Variants in ZP2 observed in about 807,000 individuals in gnomAD.
ZP2 encodes the protein zona pellucida sperm-binding protein 2.
In ZP2, 51 loss-of-function variants were observed where a neutral mutation model predicts 84.0. The observed-to-expected ratio is 0.61, with a 90% CI of 0.49 to 0.77. ZP2 has a LOEUF of 0.77. Among genes scored for constraint, ZP2 ranks in the 30% least tolerant of loss-of-function variants. ZP2 has a pLI of 0.00. For synonymous variants in ZP2, 375 were observed against 330.9 expected (o/e 1.13, Z -1.45); for missense variants, 909 against 911.9 (o/e 1.00, Z 0.04).
intron 13 of ZP2, 66 bp from the exon 14 acceptor site, chr16:21,201,624 A>G: frequency 6.2e-7 from 1 of 1,608,908 alleles, no homozygotes; most frequent in Non-Finnish European, 8.5e-7. Flanking sequence ...TCACTGCTCC[A>G]TTAGTCTGGC....
At chr16:21,206,113 C>A (rs1018318936) in intron 5 of ZP2, 1 of 325,686 alleles carries the variant, frequency 3.1e-6, no homozygotes, top group Admixed American at 4.4e-5. Flanking sequence ...TTCTCCTGCC[C>A]CAGCCTCCCA....
At chr16:21,205,239 C>T (rs185075390) in intron 7 of ZP2, among the ~76,000 whole-genome samples, 181 bp downstream of exon 7, 11 of 152,238 alleles carry the variant, frequency 7.2e-5, no homozygotes, top group Admixed American at 2.6e-4. Flanking sequence ...GCGATCTGCC[C>T]GCTTCAGCCT....
At chr16:21,203,975 G>A in intron 9 of ZP2, 55 bp downstream of exon 9, 2 of 1,592,532 alleles carry the variant, frequency 1.3e-6, no homozygotes, top group Non-Finnish European at 1.7e-6. Flanking sequence ...CTACCCACAA[G>A]AGTATACTTC....
At chr16:21,206,699 G>A in intron 5 of ZP2, 139 bp downstream of exon 5, 2 of 1,157,354 alleles carry the variant, frequency 1.7e-6, no homozygotes, top group South Asian at 1.4e-5. Flanking sequence ...TCAGGGTAAA[G>A]TTAAACCTCA....
chr16:21,211,413 G>A lies in ZP2; in HGVS notation c.63-18C>T, dbSNP rs2093274639. The A allele has an allele frequency of 5.0e-6, 8 of 1,613,994 alleles. No individual in the cohort carries two copies. The East Asian group carries it at 6.7e-5, about 13-fold the overall frequency. ...TGTAGGTGCTGGAAAGAGACAGGGA[G>A]ATAGTCAAGGAAGAATGGACTTTAA... On this transcript the variant is annotated intron_variant, in intron 1 of 18. Coordinates refer to ENST00000574091, the MANE Select transcript of ZP2 (RefSeq NM_001376232.1).
In ZP2 at chr16:21,201,790, G is replaced by A. The variant is rs1289821940; in HGVS notation, c.1420C>T (p.Leu474=). ...KCSYSRNDML[L]NINVESLTPP... is the part of the protein sequence containing the mutation. ...GTAAGGCTTTCAACGTTGATGTTTA[G>A]TAGCATGTCATTCCTGCTATAAGAA... The change falls in exon 13 of 19, where the codon CTA becomes TTA. Residue 474 remains leucine, a synonymous_variant. Coordinates refer to ENST00000574091, the MANE Select transcript of ZP2 (RefSeq NM_001376232.1). 6.2e-7 allele frequency: 1 copy of A among 1,614,006 alleles called. No homozygotes were observed. The highest frequency in any genetic ancestry group is 1.3e-5 in the African/African-American group (1 of 74,900).
At chr16:21,203,096 A>T in intron 10 of ZP2, 29 bp downstream of exon 10, 1 of 1,605,736 alleles carries the variant, frequency 6.2e-7, no homozygotes, top group Non-Finnish European at 8.5e-7. Flanking sequence ...GAAAAAAGGT[A>T]GAACATGATT....
intron 6 of ZP2, 46 bp from the exon 7 acceptor site, chr16:21,205,630 A>G: frequency 6.2e-7 from 1 of 1,612,888 alleles, no homozygotes; most frequent in Non-Finnish European, 8.5e-7. Context: ...TCCCTTAACC[A>G]AGTCTCTGGT....
intron 2 of ZP2, 44 bp from the exon 3 acceptor site, chr16:21,210,236 A>G: frequency 6.7e-7 from 1 of 1,482,084 alleles, no homozygotes; most frequent in East Asian, 2.3e-5. Context: ...GTCATGAGTG[A>G]TGCAACTCCT....
rs775566689 is a variant in ZP2 at position 21,210,162 on chromosome 16, G to A, written c.182C>T (p.Thr61Ile). Residue 61 changes from threonine to isoleucine, a missense_variant, in exon 3 of 19, where the codon ACA becomes ATA. Transcript: ENST00000574091. ...GCCAGGACTGCTTGGGAACTCCACT[G>A]TTATTTCCCTTTCATCGCAAGTGAC... Reference protein sequence around the residue: ...GTVTCDEREITVEFPSSPGTK... With the variant: ...GTVTCDEREIIVEFPSSPGTK... 2 of 1,614,008 alleles carry A rather than the reference G, an allele frequency of 1.2e-6. No homozygotes were observed. Among genetic ancestry groups the A allele is most frequent in the Non-Finnish European group, 1.7e-6 (2 of 1,179,982 alleles).
chr16:21,204,627 G>A (rs1015336004), intron 7 of ZP2, among the ~76,000 whole-genome samples: 1 of 152,180 alleles, frequency 6.6e-6, no homozygotes, highest in Admixed American at 6.5e-5. Flanking sequence ...TGTAGCCAAT[G>A]ACTTCTAGGC....
intron 7 of ZP2, 72 bp downstream of exon 7, chr16:21,205,348 G>T (rs2093244506): frequency 1.9e-6 from 3 of 1,546,200 alleles, no homozygotes; most frequent in East Asian, 4.5e-5. Context: ...TGAAGACATG[G>T]TTGAGATCAT....
rs759374985 is a variant in ZP2, at chr16:21,203,261, G to GA, written c.973-11dup. The GA allele has an allele frequency of 1.9e-6, 3 of 1,612,956 alleles. No individual in the cohort carries two copies. Among genetic ancestry groups the GA allele is most frequent in the Non-Finnish European group, 2.5e-6 (3 of 1,179,486 alleles). On this transcript the variant is annotated splice_polypyrimidine_tract_variant and intron_variant, in intron 9 of 18. Coordinates refer to ENST00000574091, the MANE Select transcript of ZP2 (RefSeq NM_001376232.1). Reference sequence around the variant, plus strand: ...GGCATTTTTCAGATAACTGAAATGAGAAAATGTCAATTAGCAGCCACAGTC... The same window carrying GA: ...GGCATTTTTCAGATAACTGAAATGAGAAAAATGTCAATTAGCAGCCACAGTC...
intron 17 of ZP2, 82 bp from the exon 18 acceptor site, chr16:21,197,931 G>T (rs1054512115): frequency 2.0e-5 from 28 of 1,377,126 alleles, no homozygotes; most frequent in Non-Finnish European, 2.8e-5. Flanking sequence ...TGATCCCACA[G>T]GTTGTTCATT....
Position 21,197,785 on chromosome 16 carries a change from C to G in ZP2, c.2076G>C (p.Gly692=). The part of the protein sequence containing the change: ...SSGEKSRSET[G]EEVGSRGAMD... ...ACTTACCTCGTGAGCCAACCTCCTC[C>G]CCTGTTTCACTCCTACTCTTCTCCC... The change falls in exon 18 of 19, where the codon GGG becomes GGC. Residue 692 remains glycine (G), a synonymous_variant. Transcript: ENST00000574091. 6.2e-7 allele frequency: 1 copy of G among 1,614,190 alleles called. No homozygotes were observed. The highest frequency in any genetic ancestry group is 8.5e-7 in the Non-Finnish European group (1 of 1,180,028).
At position 21,206,906 on chromosome 16, in the gene ZP2, G is replaced by A. The variant is rs1305241841; in HGVS notation, c.415C>T (p.Pro139Ser). Residue 139 changes from proline (P) to serine (S), a missense_variant, in exon 5 of 19, where the codon CCA (proline) becomes TCA (serine). Pro to Ser is a moderately conservative substitution (Grantham distance 74, BLOSUM62 -1). Coordinates refer to ENST00000574091, the MANE Select transcript of ZP2 (RefSeq NM_001376232.1). Reference protein sequence around the residue: ...HGAVMYQFFCPAMQVEETQGL... With the variant: ...HGAVMYQFFCSAMQVEETQGL... ...TGGGTCTCTTCTACTTGCATAGCTG[G>A]ACAGAAGAACTGATACATGACAGCT... 1.2e-6 allele frequency: 2 copies of A among 1,614,002 alleles called. No individual in the cohort carries two copies. Among genetic ancestry groups the A allele is most frequent in the African/African-American group, 2.7e-5 (2 of 74,900 alleles).
intron 2 of ZP2, among the ~76,000 whole-genome samples, chr16:21,210,678 G>A (rs1006037290): frequency 3.3e-5 from 5 of 152,042 alleles, no homozygotes; most frequent in African/African-American, 7.2e-5. Context: ...AGGTTCAAGC[G>A]ATTCTCCTGC....
rs766904795 is a variant in ZP2 at position 21,204,158 on chromosome 16, CA to C, written c.843del (p.Lys283SerfsTer5). The C allele has an allele frequency of 1.2e-6, 2 of 1,614,142 alleles. No individual in the cohort carries two copies. The highest frequency in any genetic ancestry group is 1.7e-6 in the Non-Finnish European group (2 of 1,180,012). On this transcript the variant is annotated frameshift_variant, in exon 9 of 19. Coordinates refer to ENST00000574091, the MANE Select transcript of ZP2 (RefSeq NM_001376232.1). LOFTEE classifies it high-confidence loss of function. ...TCAAAGCTCACAGACTTAAGCTTCC[CA>C]GGAAACTCTGGTATGGTGAGAGTCA... is the stretch of plus-strand genomic sequence containing the variant. ...THMTLTIPEF[P>X]GKLKSVSFEN...
At position 21,202,162 on chromosome 16, in the gene ZP2, T is replaced by C; in HGVS notation, c.1229A>G (p.Gln410Arg). The C allele has an allele frequency of 6.2e-7, 1 of 1,606,186 alleles. No individual in the cohort carries two copies. Among genetic ancestry groups the C allele is most frequent in the Non-Finnish European group, 8.5e-7 (1 of 1,178,238 alleles). ...GTGGAACCGTACCAGCCCCTGAGAC[T>C]GAGCCTCAAAGACAGGCTGGCAGGA... The part of the protein sequence containing the change: ...NSSCQPVFEA[Q>R]SQGLVRFHIP... The change falls in exon 11 of 19, where the codon CAG becomes CGG. Residue 410 changes from glutamine (Q) to arginine (R), a missense_variant. Physicochemically the swap from Gln to Arg is conservative, Grantham distance 43. Transcript: ENST00000574091.
Sources: gnomAD v4.1 joint callset for allele counts (sites outside exome capture counted in the v4.1 genomes callset) on GRCh38, gnomAD v4.1.1 for gene constraint, MANE v1.5 for transcripts, NCBI Gene and HGNC (gene_info 2026-07-23, HGNC 2026-07-21) for gene names.